Variants in ALKBH3 observed in about 807,000 individuals in gnomAD.
ALKBH3 encodes alkB homolog 3, alpha-ketoglutarate dependent dioxygenase.
A neutral mutation model predicts 43.9 loss-of-function variants in ALKBH3; 51 were observed. The ratio of observed to expected loss-of-function variants is 1.16; its 90% confidence interval spans 0.93 to 1.47. The LOEUF (loss-of-function observed/expected upper bound fraction) is 1.47. Among genes scored for constraint, ALKBH3 ranks in the 40% most tolerant of loss-of-function variants. ALKBH3 has a pLI of 0.00. For missense variants in ALKBH3, 361 were observed against 351.9 expected, an observed-to-expected ratio of 1.03 and a Z score of -0.21; for synonymous variants, 102 against 115.2, an observed-to-expected ratio of 0.89 and a Z score of 0.73.
chr11:43,900,136 A>G (rs1951851583), intron 7 of ALKBH3, among the ~76,000 whole-genome samples: 1 of 151,626 alleles, frequency 6.6e-6, no homozygotes, highest in African/African-American at 2.4e-5. Context: ...TTTGTGTTGG[A>G]AATTATAGTT....
intron 1 of ALKBH3, among the ~76,000 whole-genome samples, chr11:43,881,751 A>G (rs1472389508): frequency 6.6e-6 from 1 of 152,210 alleles, no homozygotes; most frequent in Non-Finnish European, 1.5e-5. Flanking sequence ...CTATTAATAT[A>G]AAACGAGCTT....
rs974922167 is a variant in ALKBH3 at position 43,914,796 on chromosome 11, G to A, written c.670-4242G>A. 2.0e-5 allele frequency among the ~76,000 whole-genome samples: 3 copies of A among 152,246 alleles called. No homozygotes were observed. In the East Asian group the frequency reaches 5.8e-4, roughly 29 times the overall value. On this transcript the variant is annotated intron_variant, in intron 8 of 9. Coordinates refer to ENST00000302708, the MANE Select transcript of ALKBH3 (RefSeq NM_139178.4). ...ACAAACAAATGCCTTAATATCTGTG[G>A]TTGTAGATCAATAAGAAAACAGTGT...
chr11:43,902,543 T>C (rs1951870268), intron 8 of ALKBH3, among the ~76,000 whole-genome samples: 2 of 152,214 alleles, frequency 1.3e-5, no homozygotes. Context: ...ATTCAGCTTA[T>C]AATGTTAAAC....
At chr11:43,899,873 A>G (rs929220518) in intron 7 of ALKBH3, among the ~76,000 whole-genome samples, 69 of 46,668 alleles carry the variant, frequency 1.5e-3, no homozygotes, top group African/African-American at 3.7e-3. Flanking sequence ...TGGTCTCAGG[A>G]AAAAAAAAAA....
At chr11:43,901,480 G>C in intron 7 of ALKBH3, 36 bp from the exon 8 acceptor site, 1 of 1,607,518 alleles carries the variant, frequency 6.2e-7, no homozygotes, top group Non-Finnish European at 8.5e-7. Context: ...TGTGTAATGC[G>C]ACTGTCTTGC....
chr11:43,898,219 G>C, intron 7 of ALKBH3: 1 of 1,065,764 alleles, frequency 9.4e-7, no homozygotes, highest in Non-Finnish European at 1.5e-6. Flanking sequence ...TAGACTTCAC[G>C]GGTGGCTCCA....
chr11:43,913,724 G>T (rs375200676), intron 8 of ALKBH3, among the ~76,000 whole-genome samples: 60 of 152,326 alleles, frequency 3.9e-4, no homozygotes, highest in African/African-American at 1.4e-3. Context: ...GGTCTTAGAC[G>T]CTTACAAGTC....
At chr11:43,911,032 G>T (rs1363338008) in intron 8 of ALKBH3, among the ~76,000 whole-genome samples, 1 of 152,184 alleles carries the variant, frequency 6.6e-6, no homozygotes, top group Non-Finnish European at 1.5e-5. Context: ...GGGGTTACAG[G>T]AGCTAGACTA....
Position 43,912,972 on chromosome 11 carries a change from A to G in ALKBH3, c.670-6066A>G, listed in dbSNP as rs543808264. 5.3e-5 allele frequency among the ~76,000 whole-genome samples: 8 copies of G among 152,106 alleles called. No individual in the cohort carries two copies. The South Asian group carries it at 1.5e-3, about 28-fold the overall frequency. On this transcript the variant is annotated intron_variant, in intron 8 of 9. Transcript: ENST00000302708. Reference sequence around the variant, plus strand: ...TACATGGAACAGGCTATGTTTTCTAAAATGTTGTAGCAACACTCATAAGTC... The same window carrying G: ...TACATGGAACAGGCTATGTTTTCTAGAATGTTGTAGCAACACTCATAAGTC...
chr11:43,917,721 C>T (rs1446041316), intron 8 of ALKBH3, among the ~76,000 whole-genome samples: 2 of 152,226 alleles, frequency 1.3e-5, no homozygotes, highest in East Asian at 3.9e-4. Flanking sequence ...GGTCACCTTC[C>T]CACTGCCCTC....
At chr11:43,887,955 A>ATTT (rs531812486) in intron 5 of ALKBH3, among the ~76,000 whole-genome samples, 48 of 141,976 alleles carry the variant, frequency 3.4e-4, no homozygotes, top group Non-Finnish European at 5.9e-4. Context: ...TGCCCAGCTA[A>ATTT]TTTTTTTTTT....
chr11:43,899,791 C>T (rs922608439), intron 7 of ALKBH3, among the ~76,000 whole-genome samples: 2 of 149,410 alleles, frequency 1.3e-5, no homozygotes, highest in African/African-American at 4.9e-5. Context: ...ATATGTTGTG[C>T]ACAAAATCAA....
At chr11:43,902,447 C>T (rs187493025) in intron 8 of ALKBH3, among the ~76,000 whole-genome samples, 6 of 152,318 alleles carry the variant, frequency 3.9e-5, no homozygotes, top group East Asian at 3.9e-4. Context: ...TAGTCCCTTA[C>T]GACTAAGAAA....
intron 7 of ALKBH3, among the ~76,000 whole-genome samples, chr11:43,895,389 C>T (rs1351732702): frequency 6.6e-6 from 1 of 152,162 alleles, no homozygotes; most frequent in African/African-American, 2.4e-5. Flanking sequence ...GAGTTCCCTG[C>T]ACATGCGCTC....
intron 1 of ALKBH3, among the ~76,000 whole-genome samples, chr11:43,882,370 A>C (rs1419312311): frequency 6.6e-6 from 1 of 152,230 alleles, no homozygotes; most frequent in Non-Finnish European, 1.5e-5. Flanking sequence ...GAAAGAAACA[A>C]AAGTACTATG....
intron 7 of ALKBH3, among the ~76,000 whole-genome samples, chr11:43,896,562 G>A (rs1341118668): frequency 1.3e-4 from 20 of 152,052 alleles, no homozygotes; most frequent in Admixed American, 1.3e-3. Context: ...CCAGATTAAG[G>A]GTGGGTCTGC....
chr11:43,885,065 T>C (rs1951738085), intron 4 of ALKBH3, among the ~76,000 whole-genome samples: 2 of 152,098 alleles, frequency 1.3e-5, no homozygotes, highest in South Asian at 4.1e-4. Flanking sequence ...CTTTGGTTGT[T>C]TTAAAAAAAC....
At chr11:43,914,165 G>A (rs1951963957) in intron 8 of ALKBH3, among the ~76,000 whole-genome samples, 1 of 152,248 alleles carries the variant, frequency 6.6e-6, no homozygotes, top group Admixed American at 6.5e-5. Flanking sequence ...AGAAGGAATA[G>A]AGCTTACCTT....
intron 9 of ALKBH3, 102 bp from the exon 10 acceptor site, chr11:43,919,816 G>A: frequency 9.1e-7 from 1 of 1,099,946 alleles, no homozygotes; most frequent in Non-Finnish European, 1.4e-6. Context: ...AGGGGGATGA[G>A]ATGGAAATAT....
Sources: gnomAD v4.1 joint callset for allele counts (sites outside exome capture counted in the v4.1 genomes callset) on GRCh38, gnomAD v4.1.1 for gene constraint, MANE v1.5 for transcripts, NCBI Gene and HGNC (gene_info 2026-07-23, HGNC 2026-07-21) for gene names.